AGBL1: variants seen among roughly 807,000 people sequenced by gnomAD.
AGBL1 encodes the protein AGBL carboxypeptidase 1.
In AGBL1, 130 loss-of-function variants were observed where a neutral mutation model predicts 118.9. The observed-to-expected ratio is 1.09, with a 90% CI of 0.95 to 1.26. AGBL1 has a LOEUF of 1.26. AGBL1 is among the 50% of genes most tolerant of loss of function. The pLI is 0.00. For synonymous variants in AGBL1, 555 were observed against 478.9 expected (o/e 1.16, Z -2.08); for missense variants, 1,584 against 1,298.1 (o/e 1.22, Z -3.38).
Position 86,143,852 on chromosome 15 carries a change from G to A in AGBL1, c.262+7G>A, listed in dbSNP as rs377089431. ...GCCAAAGTTGGCCTAAGAGGTACTC[G>A]TACTCCAAGACCTAAAGCTGACTGA... On this transcript the variant is annotated splice_region_variant and intron_variant, in intron 3 of 22. Transcript: ENST00000614907. 180 of 1,613,132 alleles carry A rather than the reference G, an allele frequency of 1.1e-4. No homozygotes were observed. In the South Asian group the frequency reaches 1.1e-3, roughly 10 times the overall value.
At chr15:86,194,517 G>C (rs1251278279) in intron 5 of AGBL1, among the ~76,000 whole-genome samples, 1 of 152,198 alleles carries the variant, frequency 6.6e-6, no homozygotes, top group Non-Finnish European at 1.5e-5. Flanking sequence ...CCATGATGAT[G>C]GTTTTAGAAG....
chr15:86,431,591 A>C (rs897235774), intron 18 of AGBL1, among the ~76,000 whole-genome samples: 15 of 152,230 alleles, frequency 9.9e-5, no homozygotes, highest in African/African-American at 2.9e-4. Flanking sequence ...TGACTTTCAC[A>C]CTAATTAGTC....
chr15:86,501,609 G>A (rs2082917740), intron 18 of AGBL1, among the ~76,000 whole-genome samples: 1 of 151,334 alleles, frequency 6.6e-6, no homozygotes, highest in Non-Finnish European at 1.5e-5. Context: ...AATTGTTTTG[G>A]GGTTAATTTT....
chr15:86,180,251 GAAA>G (rs140692157), intron 5 of AGBL1, among the ~76,000 whole-genome samples: 2 of 151,424 alleles, frequency 1.3e-5, no homozygotes, highest in East Asian at 3.9e-4. Flanking sequence ...AAGCAAATTT[GAAA>G]AAAAAGAACA....
At position 86,971,083 on chromosome 15, in the gene AGBL1, C is replaced by T. The variant is rs74025709; in HGVS notation, c.3222-16904C>T. Among the ~76,000 whole-genome samples, 1,124 of 152,094 alleles carry T rather than the reference C, an allele frequency of 7.4e-3. 17 individuals carry two copies. The highest frequency in any genetic ancestry group is 0.026 in the African/African-American group (1,065 of 41,524). On this transcript the variant is annotated intron_variant, in intron 23 of 24. Coordinates refer to the AGBL1 transcript ENST00000441037. ...TTTGGCATCTGCAGTGGTTCTGGAA[C>T]AAATCCTGCAAGGATATTGAGGGAC...
Position 86,748,474 on chromosome 15 carries a change from T to A in AGBL1, c.3158+74038T>A, listed in dbSNP as rs2077791818. Among the ~76,000 whole-genome samples the A allele has an allele frequency of 2.1e-5, 3 of 145,102 alleles. No individual in the cohort carries two copies. The South Asian group carries it at 6.7e-4, about 32-fold the overall frequency. On this transcript the variant is annotated intron_variant, in intron 22 of 22. Transcript: ENST00000614907. ...GTAGTTTCTTTTGTTGTGCAGAAGC[T>A]CTTTAGTTGAATTAGATCCCATTTG...
intron 22 of AGBL1, among the ~76,000 whole-genome samples, chr15:86,856,566 T>G (rs1469989752): frequency 1.3e-5 from 2 of 152,248 alleles, no homozygotes; most frequent in Non-Finnish European, 2.9e-5. Flanking sequence ...GATACATTTC[T>G]GGAACTTTGG....
At chr15:86,588,805 T>A (rs960221373) in intron 21 of AGBL1, among the ~76,000 whole-genome samples, 1 of 152,224 alleles carries the variant, frequency 6.6e-6, no homozygotes, top group Non-Finnish European at 1.5e-5. Context: ...TATTTATTGA[T>A]AGTGACTCTT....
At chr15:86,868,282 C>G (rs2079664084) in intron 22 of AGBL1, among the ~76,000 whole-genome samples, 1 of 152,178 alleles carries the variant, frequency 6.6e-6, no homozygotes, top group Non-Finnish European at 1.5e-5. Flanking sequence ...GTGAGGTCGC[C>G]AGAGGACTAT....
chr15:86,864,837 A>G (rs191128548), intron 22 of AGBL1, among the ~76,000 whole-genome samples: 7 of 152,312 alleles, frequency 4.6e-5, no homozygotes, highest in African/African-American at 1.7e-4. Context: ...CCACTGTGCT[A>G]TGGATGTCTA....
At chr15:86,556,121 T>G (rs905872810) in intron 21 of AGBL1, 1 of 890,454 alleles carries the variant, frequency 1.1e-6, no homozygotes, top group African/African-American at 1.7e-5. Context: ...TAAGTATCAG[T>G]GCCATTCACA....
chr15:86,901,579 G>A (rs2080212694), intron 22 of AGBL1, among the ~76,000 whole-genome samples: 1 of 152,000 alleles, frequency 6.6e-6, no homozygotes, highest in Non-Finnish European at 1.5e-5. Context: ...AAGACAAATA[G>A]AGCAAGTAAC....
intron 22 of AGBL1, among the ~76,000 whole-genome samples, chr15:86,745,115 C>A (rs1596440595): frequency 6.6e-6 from 1 of 151,964 alleles, no homozygotes; most frequent in Non-Finnish European, 1.5e-5. Flanking sequence ...CCAAAATACA[C>A]CAGTGAAAAC....
At chr15:86,255,629 A>G (rs56955061) in intron 7 of AGBL1, among the ~76,000 whole-genome samples, 19,208 of 152,214 alleles carry the variant, frequency 0.13, 1,611 homozygotes, top group South Asian at 0.29. Context: ...TTCAAAATAC[A>G]AACATTAGCT....
intron 24 of AGBL1, among the ~76,000 whole-genome samples, chr15:87,023,285 A>C (rs548983643): frequency 3.0e-4 from 46 of 152,220 alleles, no homozygotes; most frequent in Middle Eastern, 3.4e-3. Context: ...GGGGTGAAAA[A>C]AGAGACATCA....
intron 17 of AGBL1, among the ~76,000 whole-genome samples, chr15:86,376,150 A>G (rs2081038698): frequency 6.6e-6 from 1 of 152,238 alleles, no homozygotes; most frequent in Non-Finnish European, 1.5e-5. Flanking sequence ...TAGAGACTCA[A>G]TGGGACAAAG....
chr15:86,556,560 G>T (rs933073311), intron 21 of AGBL1, among the ~76,000 whole-genome samples: 3 of 152,098 alleles, frequency 2.0e-5, no homozygotes, highest in African/African-American at 4.8e-5. Flanking sequence ...TTTTACATAT[G>T]GGGGGGCCCA....
At chr15:86,242,962 T>A (rs935857486) in intron 6 of AGBL1, among the ~76,000 whole-genome samples, 8 of 152,180 alleles carry the variant, frequency 5.3e-5, no homozygotes, top group Non-Finnish European at 1.0e-4. Context: ...ATAAAGATGG[T>A]TGGGATCTCC....
intron 18 of AGBL1, among the ~76,000 whole-genome samples, chr15:86,488,488 A>G (rs982109207): frequency 6.6e-6 from 1 of 152,050 alleles, no homozygotes; most frequent in Admixed American, 6.6e-5. Flanking sequence ...ATGGTAAGGT[A>G]GTACCAGGAC....
Sources: allele counts gnomAD v4.1 joint callset (sites outside exome capture counted in the v4.1 genomes callset), GRCh38; gene constraint gnomAD v4.1.1; transcripts MANE v1.5; gene names NCBI Gene and HGNC (gene_info 2026-07-23, HGNC 2026-07-21).